Variants in ZNF644 observed in about 807,000 individuals in gnomAD.
ZNF644 encodes zinc finger motif enhancer binding protein 2.
Under a neutral mutation model 108.0 loss-of-function variants are expected in ZNF644, and 20 were observed. The ratio of observed to expected loss-of-function variants is 0.19; its 90% CI spans 0.13 to 0.27. ZNF644 has a LOEUF of 0.27. Ranked by LOEUF, ZNF644 falls within the 10% of genes least tolerant of loss-of-function variation. The pLI, the probability that ZNF644 is intolerant of heterozygous loss-of-function variation, is 1.00. For missense variants in ZNF644, 1,338 were observed against 1,548.9 expected, an observed-to-expected ratio of 0.86 and a Z score of 2.29; for synonymous variants, 542 against 539.1, an observed-to-expected ratio of 1.01 and a Z score of -0.08.
intron 1 of ZNF644, among the ~76,000 whole-genome samples, chr1:91,003,365 G>T (rs1396287362): frequency 4.0e-5 from 6 of 150,352 alleles, no homozygotes; most frequent in South Asian, 4.2e-4. Context: ...AAAAGGATGA[G>T]TTCATGTCCT....
At chr1:91,003,453 T>C (rs1285186077) in intron 1 of ZNF644, among the ~76,000 whole-genome samples, 2 of 152,082 alleles carry the variant, frequency 1.3e-5, no homozygotes, top group Non-Finnish European at 2.9e-5. Context: ...ACACCACCTG[T>C]TCTCACTCAT....
At position 90,957,018 on chromosome 1, in the gene ZNF644, A is replaced by T. The variant is rs556358601; in HGVS notation, c.45-15709T>A. On this transcript the variant is annotated intron_variant, in intron 2 of 5. Transcript: ENST00000337393. ...AAAAGAATTATAACAGAATACTATG[A>T]ATAACTGGATGCCAAAAAATTGGAT... Among the ~76,000 whole-genome samples the T allele has an allele frequency of 1.8e-4, 28 of 152,314 alleles. 1 individual carries two copies. The South Asian group carries it at 5.4e-3, about 29-fold the overall frequency.
rs956698293 is a variant in ZNF644 at position 90,951,947 on chromosome 1, T to C, written c.45-10638A>G. 4.6e-4 allele frequency among the ~76,000 whole-genome samples: 70 copies of C among 152,278 alleles called. 1 individual carries two copies. The highest frequency in any genetic ancestry group is 1.5e-3 in the African/African-American group (61 of 41,564). On this transcript the variant is annotated intron_variant, in intron 2 of 5. Transcript: ENST00000337393. ...AGCTCCTTAGGCAGACAGAAGGCCA[T>C]TGCAGCAAAGCACATAATAGGAAAA...
At position 90,939,603 on chromosome 1, in the gene ZNF644, G is replaced by A. The variant is rs1651739113; in HGVS notation, c.1751C>T (p.Ala584Val). The A allele has an allele frequency of 6.2e-7, 1 of 1,613,878 alleles. No individual in the cohort carries two copies. The highest frequency in any genetic ancestry group is 1.3e-5 in the African/African-American group (1 of 74,908). The change falls in exon 3 of 6, where the codon GCT (alanine) becomes GTT (valine). Residue 584 changes from alanine to valine, a missense_variant. Around this residue, in one of 6 missense-constraint regions of ZNF644, gnomAD observed 462 missense variants for 472.6 expected, o/e 0.98. Coordinates refer to ENST00000337393, the MANE Select transcript of ZNF644 (RefSeq NM_201269.3). Reference sequence around the variant, plus strand: ...AGGACACATCTTACATATGTAGGTAGCTGATTTTTTGGATGATCCTACTAC... The same window carrying A: ...AGGACACATCTTACATATGTAGGTAACTGATTTTTTGGATGATCCTACTAC... Reference protein sequence around the residue: ...DSVVGSSKKSATYICKMCPFT... With the variant: ...DSVVGSSKKSVTYICKMCPFT...
At chr1:90,971,437 G>C (rs1032522557) in intron 2 of ZNF644, among the ~76,000 whole-genome samples, 2 of 151,300 alleles carry the variant, frequency 1.3e-5, no homozygotes, top group East Asian at 1.9e-4. Flanking sequence ...TTTTTTGGTG[G>C]GGGGACAGAG....
intron 1 of ZNF644, among the ~76,000 whole-genome samples, chr1:91,013,399 A>C (rs1570586637): frequency 6.6e-6 from 1 of 151,534 alleles, no homozygotes; most frequent in Non-Finnish European, 1.5e-5. Flanking sequence ...TCAAGTGCTC[A>C]TGTATGAGAC....
At chr1:90,966,675 A>T (rs1197540172) in intron 2 of ZNF644, among the ~76,000 whole-genome samples, 2 of 146,932 alleles carry the variant, frequency 1.4e-5, no homozygotes, top group Non-Finnish European at 3.0e-5. Flanking sequence ...GCTTGAACCC[A>T]GGAGGTGGAG....
Position 90,918,247 on chromosome 1 carries a change from A to G in ZNF644, c.3689-93T>C, listed in dbSNP as rs933527644. On this transcript the variant is annotated intron_variant, in intron 4 of 5. Transcript: ENST00000337393. ...TCTAGAGAGGTCAGACAGACCATCTAAATCAGTTAGAAAAAGTCCGCATTC... is the reference window on the plus strand; with the variant it reads ...TCTAGAGAGGTCAGACAGACCATCTGAATCAGTTAGAAAAAGTCCGCATTC... 5.6e-5 allele frequency: 59 copies of G among 1,047,100 alleles called. No homozygotes were observed. In the East Asian group the frequency reaches 1.5e-3, roughly 27 times the overall value. 64.9% of individuals were successfully genotyped at this position (1,047,100 alleles called of 1,614,324 possible).
chr1:91,007,228 T>TTTG (rs1557658591), intron 1 of ZNF644, among the ~76,000 whole-genome samples: 16 of 116,170 alleles, frequency 1.4e-4, no homozygotes, highest in African/African-American at 5.9e-4. Context: ...CCATTTTGTT[T>TTTG]TTTTTTTTTT....
At chr1:90,942,378 C>A (rs1652085569) in intron 2 of ZNF644, among the ~76,000 whole-genome samples, 1 of 152,156 alleles carries the variant, frequency 6.6e-6, no homozygotes, top group Admixed American at 6.5e-5. Context: ...CCTACCCCCA[C>A]TATGAAAAGT....
At chr1:90,944,399 C>T (rs2100995853) in intron 2 of ZNF644, among the ~76,000 whole-genome samples, 1 of 152,006 alleles carries the variant, frequency 6.6e-6, no homozygotes, top group Admixed American at 6.6e-5. Flanking sequence ...ATCTACAAAA[C>T]ACATCTAGCA....
intron 2 of ZNF644, among the ~76,000 whole-genome samples, chr1:90,942,947 A>G (rs577081042): frequency 3.9e-5 from 6 of 152,292 alleles, no homozygotes; most frequent in Admixed American, 3.9e-4. Flanking sequence ...TCCTGCTCTC[A>G]GATAAAGAAT....
chr1:90,987,275 GATC>G (rs896547505), intron 1 of ZNF644, among the ~76,000 whole-genome samples: 1 of 75,200 alleles, frequency 1.3e-5, no homozygotes, highest in African/African-American at 5.0e-5. Flanking sequence ...TTTAAAAAAA[GATC>G]AACAAAATCA....
At chr1:90,927,007 T>C (rs1650112104) in intron 4 of ZNF644, among the ~76,000 whole-genome samples, 1 of 152,190 alleles carries the variant, frequency 6.6e-6, no homozygotes, top group South Asian at 2.1e-4. Context: ...TACCTCCTAC[T>C]TCCTAGTATT....
chr1:91,009,414 AACCATAAGGT>A (rs1377861320), intron 1 of ZNF644, among the ~76,000 whole-genome samples: 1 of 152,166 alleles, frequency 6.6e-6, no homozygotes, highest in African/African-American at 2.4e-5. Flanking sequence ...ACCCATAATA[AACCATAAGGT>A]ACACTCAATT....
At chr1:90,983,356 TATAAA>T (rs1054506589) in intron 1 of ZNF644, among the ~76,000 whole-genome samples, 2 of 151,528 alleles carry the variant, frequency 1.3e-5, no homozygotes, top group Non-Finnish European at 1.5e-5. Flanking sequence ...AAAACTAAAC[TATAAA>T]ATAAAAGTAA....
At position 91,008,776 on chromosome 1, in the gene ZNF644, T is replaced by TTAAC. The variant is rs575795511; in HGVS notation, c.-18+13210_-18+13213dup. On this transcript the variant is annotated intron_variant, in intron 1 of 5. Transcript: ENST00000337393. ...TACCACATTCCCAAAAACCTCACTATTAACGTCTTTACTTGCTGCAGTTAA... is the reference window on the plus strand; with the variant it reads ...TACCACATTCCCAAAAACCTCACTATTAACTAACGTCTTTACTTGCTGCAGTTAA... Among the ~76,000 whole-genome samples the TTAAC allele has an allele frequency of 1.9e-4, 29 of 152,324 alleles. No homozygotes were observed. The East Asian group carries it at 4.8e-3, about 25-fold the overall frequency.
intron 4 of ZNF644, among the ~76,000 whole-genome samples, chr1:90,921,227 G>C (rs769873670): frequency 6.6e-6 from 1 of 152,036 alleles, no homozygotes; most frequent in Non-Finnish European, 1.5e-5. Context: ...GGAGCCACTA[G>C]AACATTAAAT....
intron 2 of ZNF644, among the ~76,000 whole-genome samples, chr1:90,949,788 T>C (rs1220950322): frequency 1.3e-5 from 2 of 152,176 alleles, no homozygotes; most frequent in Non-Finnish European, 2.9e-5. Context: ...CATTGGAGTT[T>C]GGTATTCTTG....
Sources: gnomAD v4.1 joint callset for allele counts (sites outside exome capture counted in the v4.1 genomes callset) on GRCh38, gnomAD v4.1.1 for gene constraint, gnomAD v4.1.1 regional missense constraint, MANE v1.5 for transcripts, NCBI Gene and HGNC (gene_info 2026-07-23, HGNC 2026-07-21) for gene names.